SLC25A33: variants seen among roughly 807,000 people sequenced by gnomAD.
SLC25A33 encodes the protein solute carrier family 25 member 33.
In SLC25A33, 15 loss-of-function variants were observed where a neutral mutation model predicts 35.5. The ratio of observed to expected loss-of-function variants is 0.42; its 90% CI spans 0.28 to 0.65. The LOEUF (loss-of-function observed/expected upper bound fraction) is 0.65. Ranked by LOEUF, SLC25A33 falls within the 30% of genes least tolerant of loss-of-function variation. The pLI, the probability that SLC25A33 is intolerant of heterozygous loss-of-function variation, is 0.20. For missense variants in SLC25A33, 257 were observed against 398.5 expected (o/e 0.64, Z 3.02); for synonymous variants, 136 against 148.7 (o/e 0.91, Z 0.62).
At chr1:9,576,316 C>T (rs1437311365) in intron 5 of SLC25A33, 1 of 310,590 alleles carries the variant, frequency 3.2e-6, no homozygotes, top group African/African-American at 2.2e-5. Context: ...CAAGAGTCAC[C>T]CAGTACAGGT....
intron 3 of SLC25A33, among the ~76,000 whole-genome samples, chr1:9,569,021 G>A (rs1243697796): frequency 1.3e-5 from 2 of 152,004 alleles, no homozygotes; most frequent in African/African-American, 4.8e-5. Flanking sequence ...CGAGGCAGGC[G>A]GATTACTTGA....
chr1:9,558,326 C>T (rs1643374666), intron 2 of SLC25A33, among the ~76,000 whole-genome samples: 1 of 152,216 alleles, frequency 6.6e-6, no homozygotes, highest in South Asian at 2.1e-4. Flanking sequence ...GTTTCCTTTG[C>T]TGTGCTGCAG....
intron 1 of SLC25A33, among the ~76,000 whole-genome samples, chr1:9,540,121 G>T (rs1197071591): frequency 6.6e-6 from 1 of 151,842 alleles, no homozygotes; most frequent in Non-Finnish European, 1.5e-5. Flanking sequence ...GGCCTCTCCC[G>T]AAGCGCAGCG....
chr1:9,561,627 A>G (rs1055645405), intron 2 of SLC25A33, among the ~76,000 whole-genome samples: 5 of 152,270 alleles, frequency 3.3e-5, no homozygotes, highest in East Asian at 3.9e-4. Context: ...ATGTGTAACT[A>G]TGGAGACCGC....
chr1:9,564,739 A>AAAAAAAAAT (rs60174872), intron 2 of SLC25A33, among the ~76,000 whole-genome samples: 19 of 96,538 alleles, frequency 2.0e-4, no homozygotes, highest in African/African-American at 7.9e-4. Flanking sequence ...AAAAAAAAAA[A>AAAAAAAAAT]ATATATATAT....
At chr1:9,556,681 CTGTGTGTG>C (rs139323135) in intron 2 of SLC25A33, among the ~76,000 whole-genome samples, 8 of 149,394 alleles carry the variant, frequency 5.4e-5, no homozygotes, top group Admixed American at 2.0e-4. Context: ...GTGTCTGTGT[CTGTGTGTG>C]TGTGTGTGTG....
intron 1 of SLC25A33, among the ~76,000 whole-genome samples, chr1:9,540,019 T>C (rs868724693): frequency 2.0e-4 from 31 of 152,032 alleles, no homozygotes; most frequent in African/African-American, 7.2e-4. Flanking sequence ...TTTTCCCCAT[T>C]CTGAAGAGTC....
chr1:9,546,598 T>C (rs2100369800), intron 1 of SLC25A33, among the ~76,000 whole-genome samples: 1 of 152,324 alleles, frequency 6.6e-6, no homozygotes, highest in East Asian at 1.9e-4. Flanking sequence ...AAGACAAGCA[T>C]GAGTCCCAGC....
At chr1:9,580,863 AAAAAT>A (rs982769856) in intron 6 of SLC25A33, among the ~76,000 whole-genome samples, 12 of 121,160 alleles carry the variant, frequency 9.9e-5, no homozygotes, top group African/African-American at 3.7e-4. Context: ...TCAAAAAAAA[AAAAAT>A]AATAATAATA....
chr1:9,540,859 G>A (rs1013649569), intron 1 of SLC25A33, among the ~76,000 whole-genome samples: 1 of 152,156 alleles, frequency 6.6e-6, no homozygotes, highest in Non-Finnish European at 1.5e-5. Flanking sequence ...TGTATTGTGG[G>A]CAGTCACCAG....
intron 1 of SLC25A33, among the ~76,000 whole-genome samples, chr1:9,548,379 C>T (rs1299471514): frequency 1.3e-5 from 2 of 152,108 alleles, no homozygotes; most frequent in African/African-American, 2.4e-5. Context: ...GTCAGAAGTT[C>T]AAGACCAGCC....
chr1:9,548,288 A>G (rs189727830), intron 1 of SLC25A33, among the ~76,000 whole-genome samples: 1 of 152,348 alleles, frequency 6.6e-6, no homozygotes, highest in African/African-American at 2.4e-5. Flanking sequence ...TACACAAAAT[A>G]GAAATTAAAT....
At position 9,582,330 on chromosome 1, in the gene SLC25A33, C is replaced by T. The variant is rs1219552275; in HGVS notation, c.795C>T (p.Gly265=). ...TAAGGACGAGGCTCCGGGAAGAGGG[C>T]ACCAAGTACAAGTCTTTTGTCCAGA... ...EVIRTRLREE[G]TKYKSFVQTA... The change falls in exon 7 of 7, where the codon GGC becomes GGT. Residue 265 remains glycine (G), a synonymous_variant. Transcript: ENST00000302692. This position sits in a 1 kb window ranked among gnomAD's most constrained non-coding sequence, Gnocchi z 4.0. 8.1e-6 allele frequency: 13 copies of T among 1,613,854 alleles called. No individual in the cohort carries two copies. The highest frequency in any genetic ancestry group is 2.7e-5 in the African/African-American group (2 of 74,918).
intron 4 of SLC25A33, among the ~76,000 whole-genome samples, chr1:9,571,856 G>A (rs182547360): frequency 2.0e-5 from 3 of 152,140 alleles, no homozygotes; most frequent in South Asian, 2.1e-4. Context: ...GCCCAAGCTC[G>A]TCTCGAACTA....
Position 9,574,666 on chromosome 1 carries a change from T to A in SLC25A33, c.482+1254T>A, listed in dbSNP as rs549545672. On this transcript the variant is annotated intron_variant, in intron 5 of 6. Coordinates refer to ENST00000302692, the MANE Select transcript of SLC25A33 (RefSeq NM_032315.3). ...AGCTAATGGAACCCGGTGTAAAGAG[T>A]GTTTTAGACTTAATAAAGCTAAGCT... Among the ~76,000 whole-genome samples the A allele has an allele frequency of 5.3e-5, 8 of 152,256 alleles. 1 individual carries two copies. The South Asian group carries it at 1.7e-3, about 32-fold the overall frequency.
In SLC25A33 at chr1:9,583,748, T is replaced by C. The variant is rs1270446251; in HGVS notation, c.*1247T>C. Reference sequence around the variant, plus strand: ...AAAAAAAAAAATTTAATCCCAGCACTTTGGGAGGCCAAGGCGGGCAGATCA... The same window carrying C: ...AAAAAAAAAAATTTAATCCCAGCACCTTGGGAGGCCAAGGCGGGCAGATCA... On this transcript the variant is annotated 3_prime_UTR_variant, in exon 7 of 7. Transcript: ENST00000302692. 1 of 151,918 alleles carries C rather than the reference T, an allele frequency of 6.6e-6. No homozygotes were observed. The highest frequency in any genetic ancestry group is 1.9e-4 in the East Asian group (1 of 5,192). The allele number at this position is 151,918 out of a possible 1,614,324, so 9.4% of individuals were successfully genotyped here. A position where few individuals can be genotyped will look rare whatever the true frequency, so the allele number is the denominator to read the frequency against.
At chr1:9,571,531 C>T (rs1420564229) in intron 4 of SLC25A33, among the ~76,000 whole-genome samples, 1 of 152,130 alleles carries the variant, frequency 6.6e-6, no homozygotes, top group African/African-American at 2.4e-5. Context: ...CCTGCCTCGG[C>T]CTCCCAAAGT....
At chr1:9,549,640 A>G (rs1198980012) in intron 1 of SLC25A33, among the ~76,000 whole-genome samples, 2 of 134,034 alleles carry the variant, frequency 1.5e-5, no homozygotes, top group African/African-American at 6.1e-5. Flanking sequence ...TTTTTTTTTG[A>G]TACAGAGTCT....
At chr1:9,549,994 T>TAC (rs1643240526) in intron 1 of SLC25A33, among the ~76,000 whole-genome samples, 2 of 99,252 alleles carry the variant, frequency 2.0e-5, no homozygotes, top group Non-Finnish European at 3.9e-5. Context: ...ATTTTTTCTA[T>TAC]ACATATATAT....
Sources: allele counts gnomAD v4.1 joint callset (sites outside exome capture counted in the v4.1 genomes callset), GRCh38; gene constraint gnomAD v4.1.1; non-coding constraint Gnocchi (gnomAD v3.1); transcripts MANE v1.5; gene names NCBI Gene and HGNC (gene_info 2026-07-23, HGNC 2026-07-21).